Variants in KANSL1 observed in about 807,000 individuals in gnomAD.
KANSL1 encodes MLL1/MLL complex subunit KANSL1.
A neutral mutation model predicts 103.6 loss-of-function variants in KANSL1; 22 were observed. The observed-to-expected ratio is 0.21, with a 90% CI of 0.15 to 0.30. The LOEUF is 0.30. Among genes scored for constraint, KANSL1 ranks in the 10% least tolerant of loss-of-function variants. The pLI, the probability that KANSL1 is intolerant of heterozygous loss-of-function variation, is 1.00. For synonymous variants in KANSL1, 600 were observed against 527.6 expected, an observed-to-expected ratio of 1.14 and a Z score of -1.88; for missense variants, 1,337 against 1,399.8, an observed-to-expected ratio of 0.96 and a Z score of 0.72.
intron 7 of KANSL1, chr17:46,045,825 T>C (rs2077485677): frequency 6.6e-6 from 1 of 152,168 alleles, no homozygotes; most frequent in Non-Finnish European, 1.5e-5. Context: ...TCTGGGTATA[T>C]CTGAGGGTGG....
chr17:46,087,372 T>C (rs2079203350), intron 3 of KANSL1, among the ~76,000 whole-genome samples: 1 of 152,190 alleles, frequency 6.6e-6, no homozygotes. Context: ...TTTAATACTG[T>C]ACCTCACACC....
chr17:46,169,772 T>C (rs539543176), intron 2 of KANSL1, among the ~76,000 whole-genome samples: 46 of 152,376 alleles, frequency 3.0e-4, no homozygotes, highest in African/African-American at 1.0e-3. Context: ...ATTAAGTACA[T>C]AGATGCTGAA....
At chr17:46,189,340 G>A (rs1156921962) in intron 1 of KANSL1, among the ~76,000 whole-genome samples, 1 of 152,106 alleles carries the variant, frequency 6.6e-6, no homozygotes, top group Non-Finnish European at 1.5e-5. Context: ...TAAACTCAAG[G>A]AATGGAACGG....
chr17:46,191,473 C>T (rs993847615), intron 1 of KANSL1, among the ~76,000 whole-genome samples: 2 of 152,112 alleles, frequency 1.3e-5, no homozygotes, highest in Non-Finnish European at 2.9e-5. Flanking sequence ...TTTAACTGAC[C>T]CAAAAAGCAG....
intron 3 of KANSL1, among the ~76,000 whole-genome samples, chr17:46,084,372 G>A (rs1372168014): frequency 1.3e-5 from 2 of 149,152 alleles, no homozygotes; most frequent in East Asian, 3.9e-4. Flanking sequence ...ACAGACCAAG[G>A]CTCTATCTCC....
At chr17:46,041,915 T>TGTGTGTGTGTGTG (rs1491335810) in intron 7 of KANSL1, 1 of 91,276 alleles carries the variant, frequency 1.1e-5, no homozygotes, top group African/African-American at 4.9e-5. Flanking sequence ...TGTGTGTATA[T>TGTGTGTGTGTGTG]TTTTTTTTTT....
At chr17:46,132,716 G>C (rs2043925138) in intron 2 of KANSL1, among the ~76,000 whole-genome samples, 1 of 152,214 alleles carries the variant, frequency 6.6e-6, no homozygotes, top group African/African-American at 2.4e-5. Flanking sequence ...GGGAGGCCGA[G>C]GTGGGAGAAC....
At chr17:46,108,038 T>G (rs1385363572) in intron 2 of KANSL1, among the ~76,000 whole-genome samples, 1 of 150,728 alleles carries the variant, frequency 6.6e-6, no homozygotes, top group Non-Finnish European at 1.5e-5. Flanking sequence ...GGCTTCTAGC[T>G]CTCACCCTTG....
intron 1 of KANSL1, among the ~76,000 whole-genome samples, chr17:46,218,300 T>G (rs1314717043): frequency 6.6e-6 from 1 of 152,258 alleles, no homozygotes; most frequent in South Asian, 2.1e-4. Context: ...TACCAGGTGC[T>G]GTTCTAAACA....
Position 46,099,288 on chromosome 17 carries a change from C to T in KANSL1, c.1290-4587G>A, listed in dbSNP as rs1221337564. Among the ~76,000 whole-genome samples the T allele has an allele frequency of 3.6e-5, 4 of 110,088 alleles. 1 individual carries two copies. The highest frequency in any genetic ancestry group is 1.0e-4 in the Admixed American group (1 of 9,978). The allele number at this position is 110,088 out of a possible 152,430, so 72.2% of individuals were successfully genotyped here. The stretch of plus-strand genomic sequence containing the variant: ...GCAGTGAGCCGAGATTGCGCCACTG[C>T]ACTCTCGCCTGGGCCACAGAGCGAG... On this transcript the variant is annotated intron_variant, in intron 2 of 14. Coordinates refer to ENST00000432791, the MANE Select transcript of KANSL1 (RefSeq NM_015443.4).
chr17:46,172,059 A>G lies in KANSL1; in HGVS notation c.85T>C (p.Leu29=). The G allele has an allele frequency of 2.5e-6, 4 of 1,614,108 alleles. No homozygotes were observed. The highest frequency in any genetic ancestry group is 3.4e-6 in the Non-Finnish European group (4 of 1,180,050). ...RFKLAPPSST[L]SPGSAENNGN... ...TTATTTTCGGCACTGCCAGGGGACA[A>G]GGTAGAGGATGGGGGAGCCAGTTTG... Residue 29 remains leucine, a synonymous_variant, in exon 2 of 15, where the codon TTG becomes CTG. Transcript: ENST00000432791.
At chr17:46,034,391 T>G (rs763908498) in intron 10 of KANSL1, 106 bp from the exon 11 acceptor site, 5 of 1,320,488 alleles carry the variant, frequency 3.8e-6, no homozygotes, top group Non-Finnish European at 4.3e-6. Flanking sequence ...ATCTGGGTCC[T>G]TGGGTTGAAG....
At chr17:46,031,742 A>G (rs1479949594) in intron 14 of KANSL1, 39 bp from the exon 15 acceptor site, 10 of 1,532,336 alleles carry the variant, frequency 6.5e-6, no homozygotes, top group African/African-American at 1.4e-5. Context: ...ACCCAGTCCC[A>G]GCCAGCCTGC....
chr17:46,039,327 C>A, intron 8 of KANSL1, 112 bp from the exon 9 acceptor site: 1 of 982,820 alleles, frequency 1.0e-6, no homozygotes, highest in Non-Finnish European at 1.4e-6. Context: ...CCCAGGGCAG[C>A]AGGACAGTCC....
At chr17:46,084,136 T>C (rs1378448627) in intron 3 of KANSL1, among the ~76,000 whole-genome samples, 1 of 113,034 alleles carries the variant, frequency 8.8e-6, no homozygotes, top group African/African-American at 2.6e-5. Context: ...CCCAGCACTT[T>C]GGGAAGCTGA....
Position 46,032,305 on chromosome 17 carries a change from C to T in KANSL1, c.2838-6G>A. 1 of 1,501,612 alleles carries T rather than the reference C, an allele frequency of 6.7e-7. No individual in the cohort carries two copies. The highest frequency in any genetic ancestry group is 8.9e-7 in the Non-Finnish European group (1 of 1,127,822). 93.0% of individuals were successfully genotyped at this position (1,501,612 alleles called of 1,614,324 possible). A position where few individuals can be genotyped will look rare whatever the true frequency, so the allele number is the denominator to read the frequency against. On this transcript the variant is annotated splice_polypyrimidine_tract_variant and splice_region_variant and intron_variant, in intron 13 of 14. Coordinates refer to ENST00000432791, the MANE Select transcript of KANSL1 (RefSeq NM_015443.4). ...CGTCTGATGACCTGTAGGACCTGCACACCAAGGAATGCAAATCTGAGTGCC... is the reference window on the plus strand; with the variant it reads ...CGTCTGATGACCTGTAGGACCTGCATACCAAGGAATGCAAATCTGAGTGCC...
At chr17:46,077,391 A>G (rs2078817995) in intron 4 of KANSL1, among the ~76,000 whole-genome samples, 1 of 151,996 alleles carries the variant, frequency 6.6e-6, no homozygotes, top group African/African-American at 2.4e-5. Flanking sequence ...CTAATTGTAG[A>G]CCAACAAAAC....
chr17:46,166,743 A>C (rs1489721983), intron 2 of KANSL1, among the ~76,000 whole-genome samples: 1 of 152,238 alleles, frequency 6.6e-6, no homozygotes, highest in Non-Finnish European at 1.5e-5. Flanking sequence ...AAAAGGTACA[A>C]GCTTAGCTCT....
chr17:46,095,635 C>T (rs2042027459), intron 2 of KANSL1, among the ~76,000 whole-genome samples: 1 of 152,188 alleles, frequency 6.6e-6, no homozygotes, highest in African/African-American at 2.4e-5. Flanking sequence ...AACAGCCAAA[C>T]TTAAAAGAAT....
Sources: allele counts gnomAD v4.1 joint callset (sites outside exome capture counted in the v4.1 genomes callset), GRCh38; gene constraint gnomAD v4.1.1; transcripts MANE v1.5; gene names NCBI Gene and HGNC (gene_info 2026-07-23, HGNC 2026-07-21).